CLIP3: variants seen among roughly 807,000 people sequenced by gnomAD.
CLIP3 encodes CAP-Gly domain containing linker protein 3.
CLIP3 carries 15 observed loss-of-function variants against 59.4 expected under a neutral mutation model. The observed-to-expected ratio is 0.25, with a 90% CI of 0.17 to 0.39. The LOEUF (loss-of-function observed/expected upper bound fraction) is 0.39, where lower values mean the gene tolerates loss of function less well. Ranked by LOEUF, CLIP3 falls within the 10% of genes least tolerant of loss-of-function variation. The probability of loss-of-function intolerance (pLI) is 1.00; values close to 1 mark genes in which losing one functional copy is unlikely to be tolerated. For synonymous variants in CLIP3, 300 were observed against 321.6 expected, an observed-to-expected ratio of 0.93 and a Z score of 0.72; for missense variants, 495 against 765.7, an observed-to-expected ratio of 0.65 and a Z score of 4.17.
chr19:36,020,601 G>T (rs1348922601), intron 7 of CLIP3, among the ~76,000 whole-genome samples: 2 of 151,988 alleles, frequency 1.3e-5, no homozygotes, highest in Non-Finnish European at 2.9e-5. Context: ...TCTGTCTCAA[G>T]AAAAAATATA....
chr19:36,018,582 C>CAAA (rs753224712), intron 9 of CLIP3, among the ~76,000 whole-genome samples: 2 of 75,950 alleles, frequency 2.6e-5, no homozygotes, highest in Admixed American at 1.4e-4. Context: ...ACTCTTGACT[C>CAAA]AAAAAAAAAA....
At position 36,027,112 on chromosome 19, in the gene CLIP3, G is replaced by A; in HGVS notation, c.306+20C>T. The A allele has an allele frequency of 6.3e-7, 1 of 1,593,386 alleles. No homozygotes were observed. The highest frequency in any genetic ancestry group is 1.1e-5 in the South Asian group (1 of 88,186). On this transcript the variant is annotated intron_variant, in intron 3 of 13. Coordinates refer to ENST00000360535, the MANE Select transcript of CLIP3 (RefSeq NM_015526.3). ...GGGGAACCGCATCCCCTCTCCCCCT[G>A]GTTTCCCCAGTGTTCTCACCTCATT...
chr19:36,027,074 C>T, intron 3 of CLIP3, 29 bp from the exon 4 acceptor site: 1 of 1,599,378 alleles, frequency 6.3e-7, no homozygotes, highest in Non-Finnish European at 8.5e-7. Flanking sequence ...CAGGGAGGGT[C>T]ACCCACACAT....
Position 36,017,367 on chromosome 19 carries a change from A to G in CLIP3, c.1516+19T>C, listed in dbSNP as rs77281668. ...TCCCCAAACGTACACTCCTCCCAAC[A>G]TATCATCCCCTAACTCACTTGTCAC... On this transcript the variant is annotated intron_variant, in intron 12 of 13. Transcript: ENST00000360535. The G allele has an allele frequency of 4.3e-6, 7 of 1,613,064 alleles. No homozygotes were observed. In the East Asian group the frequency reaches 1.6e-4, roughly 36 times the overall value.
chr19:36,028,456 A>C (rs1969171688), intron 2 of CLIP3, among the ~76,000 whole-genome samples: 1 of 152,042 alleles, frequency 6.6e-6, no homozygotes, highest in African/African-American at 2.4e-5. Flanking sequence ...TTCCCACTCG[A>C]CTCTAAGGAG....
Position 36,026,932 on chromosome 19 carries a change from T to C in CLIP3, c.400+20A>G. 6.5e-7 allele frequency: 1 copy of C among 1,528,010 alleles called. No homozygotes were observed. Among genetic ancestry groups the C allele is most frequent in the Non-Finnish European group, 8.8e-7 (1 of 1,140,584 alleles). The allele number at this position is 1,528,010 out of a possible 1,614,324, so 94.7% of individuals were successfully genotyped here. A position where few individuals can be genotyped will look rare whatever the true frequency, so the allele number is the denominator to read the frequency against. On this transcript the variant is annotated intron_variant, in intron 4 of 13. Transcript: ENST00000360535. The surrounding 1 kb of genome is among the most constrained non-coding windows in gnomAD (Gnocchi z 6.3). The stretch of plus-strand genomic sequence containing the variant: ...GGCCTAGGCTTTGGGGCTTATGACT[T>C]GGGGGTAGGGGGCCCTCACCGACTC...
chr19:36,032,107 C>A lies in CLIP3; in HGVS notation c.166+85G>T. 1 of 725,850 alleles carries A rather than the reference C, an allele frequency of 1.4e-6. No individual in the cohort carries two copies. Among genetic ancestry groups the A allele is most frequent in the Middle Eastern group, 3.9e-4 (1 of 2,572 alleles). The allele number at this position is 725,850 out of a possible 1,614,324, so 45.0% of individuals were successfully genotyped here. On this transcript the variant is annotated intron_variant, in intron 2 of 13. Coordinates refer to ENST00000360535, the MANE Select transcript of CLIP3 (RefSeq NM_015526.3). This position sits in a 1 kb window ranked among gnomAD's most constrained non-coding sequence, Gnocchi z 4.3. ...ACCTTCAAATTCCCCAGAATTCTCC[C>A]ACCATCACCACCAGCAGAGCACAGC...
At chr19:36,024,263 A>G in intron 7 of CLIP3, 133 bp downstream of exon 7, 1 of 700,542 alleles carries the variant, frequency 1.4e-6, no homozygotes. Flanking sequence ...AAAATCAAGT[A>G]CTGGGTGGAT....
Position 36,026,883 on chromosome 19 carries a change from G to A in CLIP3, c.400+69C>T. ...TCCAGATGGGGCCTGAGTTCTGGGT[G>A]GTTTTCAGCGTGTTGGGTCTGGGGG... On this transcript the variant is annotated intron_variant, in intron 4 of 13. Coordinates refer to ENST00000360535, the MANE Select transcript of CLIP3 (RefSeq NM_015526.3). This position sits in a 1 kb window ranked among gnomAD's most constrained non-coding sequence, Gnocchi z 6.3. The A allele has an allele frequency of 6.6e-7, 1 of 1,522,030 alleles. No homozygotes were observed. The highest frequency in any genetic ancestry group is 8.8e-7 in the Non-Finnish European group (1 of 1,136,896). The allele number at this position is 1,522,030 out of a possible 1,614,324, so 94.3% of individuals were successfully genotyped here.
rs923953735 is a variant in CLIP3 at position 36,025,065 on chromosome 19, C to CAA, written c.682-435_682-434dup. 3.7e-3 allele frequency among the ~76,000 whole-genome samples: 402 copies of CAA among 109,664 alleles called. 3 individuals are homozygous for CAA. Among genetic ancestry groups the CAA allele is most frequent in the Middle Eastern group, 0.021 (4 of 188 alleles). 71.9% of individuals were successfully genotyped at this position (109,664 alleles called of 152,430 possible). ...TGGGTGACAGAGCGAGACTCCGTCT[C>CAA]AAAAAAAAAAAAAAAGAAGGGGCAG... On this transcript the variant is annotated intron_variant, in intron 6 of 13. Coordinates refer to ENST00000360535, the MANE Select transcript of CLIP3 (RefSeq NM_015526.3).
intron 2 of CLIP3, among the ~76,000 whole-genome samples, chr19:36,031,023 C>CTTTTTTTTTTTTTTTTTTTTT (rs55762943): frequency 9.9e-4 from 79 of 80,152 alleles, no homozygotes; most frequent in East Asian, 3.9e-3. Context: ...TTTTTTTTTT[C>CTTTTTTTTTTTTTTTTTTTTT]TTTTTTTTTT....
At chr19:36,019,454 T>A in intron 7 of CLIP3, 148 bp from the exon 8 acceptor site, 5 of 924,050 alleles carry the variant, frequency 5.4e-6, no homozygotes, top group Non-Finnish European at 6.8e-6. Flanking sequence ...CTACATGACT[T>A]AACCTCTGTG....
In CLIP3 at chr19:36,032,741, G is replaced by A. The variant is rs763354118; in HGVS notation, c.-76C>T. ...CATCTTACCTCGGGCAGACAGCGCT[G>A]GGGACCAAAGTGGAGACTGGGGAGA... On this transcript the variant is annotated 5_prime_UTR_variant, in exon 1 of 14. Transcript: ENST00000360535. This position sits in a 1 kb window ranked among gnomAD's most constrained non-coding sequence, Gnocchi z 4.3. 48 of 163,974 alleles carry A rather than the reference G, an allele frequency of 2.9e-4. No homozygotes were observed. The South Asian group carries it at 3.2e-3, about 11-fold the overall frequency. The allele number at this position is 163,974 out of a possible 1,614,324, so 10.2% of individuals were successfully genotyped here. A position where few individuals can be genotyped will look rare whatever the true frequency, so the allele number is the denominator to read the frequency against.
intron 7 of CLIP3, among the ~76,000 whole-genome samples, chr19:36,019,606 TA>T (rs1189106269): frequency 2.8e-4 from 34 of 122,178 alleles, no homozygotes; most frequent in South Asian, 5.0e-4. Context: ...TTATTTTATT[TA>T]TTTTTTTTTT....
chr19:36,024,116 C>T (rs962593192), intron 7 of CLIP3, among the ~76,000 whole-genome samples: 18 of 152,328 alleles, frequency 1.2e-4, no homozygotes, highest in African/African-American at 4.3e-4. Flanking sequence ...CTGCGCAGAT[C>T]ACTCTGCTCA....
rs1428264328 is a variant in CLIP3, at chr19:36,016,928, G to A, written c.1568C>T (p.Ala523Val). ...FTTVRTPKDI[A>V]SENSISRLLF... ...ACACCTGGAAATGGAGTTCTCTGAT[G>A]CAATGTCCTTTGGGGTCCGGACTGT... Residue 523 changes from alanine (A) to valine (V), a missense_variant, in exon 13 of 14, where the codon GCA becomes GTA. Transcript: ENST00000360535. The surrounding 1 kb of genome is among the most constrained non-coding windows in gnomAD (Gnocchi z 4.1). The A allele has an allele frequency of 1.9e-6, 3 of 1,613,904 alleles. No homozygotes were observed. The highest frequency in any genetic ancestry group is 2.5e-6 in the Non-Finnish European group (3 of 1,179,978).
In CLIP3 at chr19:36,032,391, G is replaced by A. The variant is rs182369167; in HGVS notation, c.-34C>T. On this transcript the variant is annotated 5_prime_UTR_variant, in exon 2 of 14. Transcript: ENST00000360535. The surrounding 1 kb of genome is among the most constrained non-coding windows in gnomAD (Gnocchi z 4.3). Reference sequence around the variant, plus strand: ...GTGGCCCTCGGGGGGCGGGTGCAGAGTTGGGGGCAGCCTTCAGGCAAATCC... The same window carrying A: ...GTGGCCCTCGGGGGGCGGGTGCAGAATTGGGGGCAGCCTTCAGGCAAATCC... The A allele has an allele frequency of 4.4e-3, 5,029 of 1,140,868 alleles. 31 individuals carry two copies. Among genetic ancestry groups the A allele is most frequent in the Non-Finnish European group, 3.8e-3 (3,424 of 891,604 alleles). The allele number at this position is 1,140,868 out of a possible 1,614,324, so 70.7% of individuals were successfully genotyped here.
At chr19:36,023,034 G>A (rs927880159) in intron 7 of CLIP3, among the ~76,000 whole-genome samples, 34 of 152,034 alleles carry the variant, frequency 2.2e-4, no homozygotes, top group Admixed American at 1.3e-3. Context: ...CAGCCTAGGC[G>A]ACAGAGCAAG....
At chr19:36,019,652 G>A (rs1042905585) in intron 7 of CLIP3, among the ~76,000 whole-genome samples, 1 of 148,774 alleles carries the variant, frequency 6.7e-6, no homozygotes, top group East Asian at 2.0e-4. Context: ...TGCCAGGCTC[G>A]AGTGCAGTGG....
Sources: gnomAD v4.1 joint callset for allele counts (sites outside exome capture counted in the v4.1 genomes callset) on GRCh38, gnomAD v4.1.1 for gene constraint, Gnocchi (gnomAD v3.1) non-coding constraint, MANE v1.5 for transcripts, NCBI Gene and HGNC (gene_info 2026-07-23, HGNC 2026-07-21) for gene names.